The following CCSER1 variants were observed in gnomAD, a reference collection of about 807,000 sequenced individuals.
CCSER1 encodes the protein coiled-coil serine rich protein 1.
A neutral mutation model predicts 82.0 loss-of-function variants in CCSER1; 41 were observed. That is an observed-to-expected ratio of 0.50 (90% confidence interval 0.39 to 0.65). The LOEUF (loss-of-function observed/expected upper bound fraction) is 0.65, where lower values mean the gene tolerates loss of function less well. CCSER1 is among the 30% of genes least tolerant of loss of function. The pLI is 0.00. For synonymous variants in CCSER1, 414 were observed against 383.9 expected (o/e 1.08, Z -0.92); for missense variants, 1,119 against 1,064.2 (o/e 1.05, Z -0.72).
At position 91,383,354 on chromosome 4, in the gene CCSER1, T is replaced by C. The variant is rs547609650; in HGVS notation, c.2218-215218T>C. Among the ~76,000 whole-genome samples the C allele has an allele frequency of 2.1e-4, 32 of 152,150 alleles. No homozygotes were observed. In the South Asian group the frequency reaches 6.6e-3, roughly 32 times the overall value. On this transcript the variant is annotated intron_variant, in intron 10 of 10. Transcript: ENST00000509176. The stretch of plus-strand genomic sequence containing the variant: ...ATTTTTTCTTCATGTTATCTCACTT[T>C]TTTTTTTCAAAAAGGAGATCAGAAG...
intron 9 of CCSER1, among the ~76,000 whole-genome samples, chr4:90,939,925 T>G (rs1032078589): frequency 6.6e-6 from 1 of 152,126 alleles, no homozygotes; most frequent in African/African-American, 2.4e-5. Context: ...ATCCTATTCT[T>G]ATCTCTTTCT....
intron 5 of CCSER1, among the ~76,000 whole-genome samples, chr4:90,471,194 C>T (rs1430191496): frequency 6.6e-6 from 1 of 151,244 alleles, no homozygotes; most frequent in Admixed American, 6.6e-5. Context: ...GTTATTTGTT[C>T]TGGGTGTGCT....
At chr4:90,781,879 T>C in intron 7 of CCSER1, 5 of 926,640 alleles carry the variant, frequency 5.4e-6, no homozygotes, top group Non-Finnish European at 6.4e-6. Flanking sequence ...AAGACAGTAA[T>C]AATGATTGTG....
intron 10 of CCSER1, among the ~76,000 whole-genome samples, chr4:91,297,985 G>A (rs1197548656): frequency 2.0e-5 from 3 of 151,846 alleles, no homozygotes; most frequent in Non-Finnish European, 2.9e-5. Flanking sequence ...GGAAACTCAA[G>A]GAATTCACAA....
Position 90,520,976 on chromosome 4 carries a change from G to A in CCSER1, c.1724+52622G>A, listed in dbSNP as rs1358960041. Among the ~76,000 whole-genome samples, 4 of 152,180 alleles carry A rather than the reference G, an allele frequency of 2.6e-5. No individual in the cohort carries two copies. The East Asian group carries it at 5.8e-4, about 22-fold the overall frequency. On this transcript the variant is annotated intron_variant, in intron 5 of 10. Transcript: ENST00000509176. ...TTTTTATAATACCTTGCAGTGGGAA[G>A]AGGAATATGAAACATCCAAGCTAGA...
intron 6 of CCSER1, among the ~76,000 whole-genome samples, chr4:90,648,257 G>GAATA: frequency 1.2e-5 from 1 of 83,804 alleles, no homozygotes; most frequent in African/African-American, 4.5e-5. Context: ...AGGAAAAAAA[G>GAATA]AAGAAAGAAA....
intron 5 of CCSER1, among the ~76,000 whole-genome samples, chr4:90,491,650 G>A (rs1768038204): frequency 6.6e-6 from 1 of 152,040 alleles, no homozygotes; most frequent in Non-Finnish European, 1.5e-5. Flanking sequence ...ATTGGCTCTG[G>A]GTTTGCCATA....
intron 7 of CCSER1, among the ~76,000 whole-genome samples, chr4:90,788,294 A>G (rs1354103661): frequency 2.6e-5 from 4 of 152,176 alleles, no homozygotes; most frequent in African/African-American, 9.7e-5. Context: ...AAGTGTAGCC[A>G]TTGAAAATTA....
chr4:91,285,578 A>G (rs1330040836), intron 10 of CCSER1, among the ~76,000 whole-genome samples: 1 of 151,914 alleles, frequency 6.6e-6, no homozygotes, highest in Non-Finnish European at 1.5e-5. Flanking sequence ...AAATAGAAAG[A>G]AAAACAAAAA....
intron 1 of CCSER1, among the ~76,000 whole-genome samples, chr4:90,164,737 G>C (rs1365905253): frequency 6.6e-6 from 1 of 152,142 alleles, no homozygotes; most frequent in Non-Finnish European, 1.5e-5. Flanking sequence ...TGTCTAAAGA[G>C]TGTGTTTTGG....
At chr4:91,466,150 C>T (rs909865120) in intron 10 of CCSER1, among the ~76,000 whole-genome samples, 2 of 152,100 alleles carry the variant, frequency 1.3e-5, no homozygotes. Context: ...AAAAGCTTAT[C>T]CATTATGATC....
intron 1 of CCSER1, among the ~76,000 whole-genome samples, chr4:90,262,973 C>T (rs1264574061): frequency 6.6e-6 from 1 of 152,122 alleles, no homozygotes; most frequent in Non-Finnish European, 1.5e-5. Flanking sequence ...CGCTGAGTTC[C>T]TGTGGGAGGA....
At chr4:90,779,798 T>TGAGG (rs749184081) in intron 7 of CCSER1, among the ~76,000 whole-genome samples, 8 of 152,194 alleles carry the variant, frequency 5.3e-5, no homozygotes, top group Non-Finnish European at 1.2e-4. Flanking sequence ...AGTATACTTG[T>TGAGG]GAGGAGAAAA....
chr4:91,542,382 A>G (rs143770014), intron 10 of CCSER1, among the ~76,000 whole-genome samples: 10,600 of 152,150 alleles, frequency 0.07, 551 homozygotes, highest in South Asian at 0.16. Context: ...GAAGTCTTTA[A>G]TCCATCTTGA....
intron 8 of CCSER1, among the ~76,000 whole-genome samples, chr4:90,897,078 TG>T (rs1723820199): frequency 6.6e-6 from 1 of 151,972 alleles, no homozygotes; most frequent in Non-Finnish European, 1.5e-5. Context: ...GTTTTATATT[TG>T]GGGACCAATT....
chr4:90,876,372 A>G (rs1202979236), intron 8 of CCSER1, among the ~76,000 whole-genome samples: 1 of 152,124 alleles, frequency 6.6e-6, no homozygotes, highest in East Asian at 1.9e-4. Flanking sequence ...ATAATCTGTT[A>G]GTTAAGATCA....
chr4:91,212,772 G>A (rs1736924246), intron 10 of CCSER1, among the ~76,000 whole-genome samples: 1 of 152,008 alleles, frequency 6.6e-6, no homozygotes, highest in South Asian at 2.1e-4. Flanking sequence ...AGGTACATGT[G>A]CAGGTTTGTT....
chr4:91,060,816 A>C (rs2148735098), intron 9 of CCSER1, among the ~76,000 whole-genome samples: 1 of 152,162 alleles, frequency 6.6e-6, no homozygotes, highest in East Asian at 1.9e-4. Flanking sequence ...TAACAGGAAA[A>C]TGTTCAACTT....
At chr4:90,192,113 T>C (rs965152535) in intron 1 of CCSER1, among the ~76,000 whole-genome samples, 4 of 152,060 alleles carry the variant, frequency 2.6e-5, no homozygotes, top group African/African-American at 4.8e-5. Flanking sequence ...TAATTGGACT[T>C]ATGGTTCCAC....
Sources: gnomAD v4.1 joint callset for allele counts (sites outside exome capture counted in the v4.1 genomes callset) on GRCh38, gnomAD v4.1.1 for gene constraint, MANE v1.5 for transcripts, NCBI Gene and HGNC (gene_info 2026-07-23, HGNC 2026-07-21) for gene names.